Variants in BCAS1 observed in about 807,000 individuals in gnomAD.
BCAS1 encodes the protein breast carcinoma-amplified sequence 1.
Under a neutral mutation model 65.4 loss-of-function variants are expected in BCAS1, and 46 were observed. The ratio of observed to expected loss-of-function variants is 0.70; its 90% CI spans 0.55 to 0.90. The LOEUF is 0.90. Ranked by LOEUF, BCAS1 falls within the 40% of genes least tolerant of loss-of-function variation. The pLI is 0.00. For missense variants in BCAS1, 793 were observed against 771.2 expected (o/e 1.03, Z -0.33); for synonymous variants, 298 against 293.5 (o/e 1.02, Z -0.16).
intron 4 of BCAS1, among the ~76,000 whole-genome samples, chr20:53,999,906 T>A (rs1600829148): frequency 6.6e-6 from 1 of 152,186 alleles, no homozygotes; most frequent in African/African-American, 2.4e-5. Flanking sequence ...ATTTTTGTAT[T>A]TTCAGTAGAG....
chr20:53,950,387 G>A (rs940841168), intron 12 of BCAS1, among the ~76,000 whole-genome samples: 4 of 151,994 alleles, frequency 2.6e-5, no homozygotes, highest in Non-Finnish European at 5.9e-5. Flanking sequence ...CATCTCAGAT[G>A]TATCTCCTCA....
At chr20:53,966,550 T>G (rs2090032872) in intron 10 of BCAS1, among the ~76,000 whole-genome samples, 1 of 152,130 alleles carries the variant, frequency 6.6e-6, no homozygotes, top group Non-Finnish European at 1.5e-5. Context: ...GGGTGACAGG[T>G]GCACTAAAGT....
At chr20:53,948,386 A>AAATTAGGT (rs2089402151) in intron 12 of BCAS1, among the ~76,000 whole-genome samples, 4 of 152,228 alleles carry the variant, frequency 2.6e-5, no homozygotes, top group African/African-American at 9.6e-5. Flanking sequence ...TGGCATTTAA[A>AAATTAGGT]AATTAGGTAT....
chr20:54,063,584 C>T (rs6127079), intron 1 of BCAS1, among the ~76,000 whole-genome samples: 24,364 of 152,124 alleles, frequency 0.16, 2,202 homozygotes, highest in East Asian at 0.32. Flanking sequence ...TGATCAGACA[C>T]CTATAGAAAA....
At chr20:54,016,275 G>T (rs556417148) in intron 4 of BCAS1, among the ~76,000 whole-genome samples, 1 of 152,050 alleles carries the variant, frequency 6.6e-6, no homozygotes, top group East Asian at 1.9e-4. Context: ...ATTTTTTAAA[G>T]CCCCATGCAT....
chr20:53,956,754 T>C (rs2089712662), intron 11 of BCAS1, among the ~76,000 whole-genome samples: 1 of 152,130 alleles, frequency 6.6e-6, no homozygotes, highest in South Asian at 2.1e-4. Context: ...TTGTCAAAAC[T>C]ACTAGAAGAA....
At position 54,039,138 on chromosome 20, in the gene BCAS1, G is replaced by A. The variant is rs372633164; in HGVS notation, c.143-10166C>T. 1.5e-4 allele frequency among the ~76,000 whole-genome samples: 22 copies of A among 151,572 alleles called. 1 individual carries two copies. The highest frequency in any genetic ancestry group is 9.6e-4 in the East Asian group (5 of 5,184). ...GTCAAATGACACTTCAAACAACTGC[G>A]GCTTTCTATGTTGTGCAAATGCATT... is the stretch of plus-strand genomic sequence containing the variant. On this transcript the variant is annotated intron_variant, in intron 3 of 12. Coordinates refer to ENST00000688948, the MANE Select transcript of BCAS1 (RefSeq NM_001366298.2).
At chr20:53,979,223 G>A (rs2090415620) in intron 8 of BCAS1, among the ~76,000 whole-genome samples, 1 of 152,262 alleles carries the variant, frequency 6.6e-6, no homozygotes, top group South Asian at 2.1e-4. Flanking sequence ...TTGAAGTAGA[G>A]CAAAAATAAA....
intron 4 of BCAS1, among the ~76,000 whole-genome samples, chr20:54,002,620 A>C (rs776981485): frequency 2.0e-5 from 3 of 152,062 alleles, no homozygotes; most frequent in Non-Finnish European, 4.4e-5. Context: ...GAAATTAATA[A>C]GTGTATTTGA....
chr20:53,954,321 G>C (rs1157344190), intron 11 of BCAS1, among the ~76,000 whole-genome samples: 2 of 151,804 alleles, frequency 1.3e-5, no homozygotes, highest in Non-Finnish European at 2.9e-5. Context: ...GAGAGAGAGA[G>C]AGAGAGAGAG....
intron 3 of BCAS1, among the ~76,000 whole-genome samples, chr20:54,038,995 T>G (rs1419952848): frequency 6.6e-6 from 1 of 151,374 alleles, no homozygotes; most frequent in Non-Finnish European, 1.5e-5. Context: ...AGTAAGTTCT[T>G]CAAAAGAGTT....
At position 54,031,356 on chromosome 20, in the gene BCAS1, G is replaced by A. The variant is rs377541735; in HGVS notation, c.143-2384C>T. 2.0e-5 allele frequency among the ~76,000 whole-genome samples: 3 copies of A among 151,410 alleles called. No individual in the cohort carries two copies. The South Asian group carries it at 6.3e-4, about 32-fold the overall frequency. On this transcript the variant is annotated intron_variant, in intron 3 of 12. Transcript: ENST00000688948. ...ACAGTAGCTTTTGATATCAGAGAAT[G>A]GGTAAAGTGTTTTTGACAATTTCTA...
intron 1 of BCAS1, among the ~76,000 whole-genome samples, chr20:54,063,455 C>G (rs1250638519): frequency 2.0e-5 from 3 of 152,232 alleles, no homozygotes; most frequent in East Asian, 3.9e-4. Flanking sequence ...CACAGGTGCC[C>G]GGTAGTGAGA....
intron 4 of BCAS1, among the ~76,000 whole-genome samples, chr20:54,005,478 A>G (rs1043099377): frequency 6.6e-6 from 1 of 152,056 alleles, no homozygotes; most frequent in Non-Finnish European, 1.5e-5. Flanking sequence ...ACAGAGCAAG[A>G]CCCTGTCTCA....
Position 54,037,090 on chromosome 20 carries a change from G to C in BCAS1, c.143-8118C>G, listed in dbSNP as rs960451916. Among the ~76,000 whole-genome samples the C allele has an allele frequency of 1.7e-4, 25 of 150,596 alleles. 1 individual carries two copies. The highest frequency in any genetic ancestry group is 5.8e-4 in the African/African-American group (24 of 41,194). On this transcript the variant is annotated intron_variant, in intron 3 of 12. Coordinates refer to ENST00000688948, the MANE Select transcript of BCAS1 (RefSeq NM_001366298.2). ...TGTGCCAAAGCTAAAACTTTCACTT[G>C]CTACAGCTGTGTATTAGTCTATTTC... is the stretch of plus-strand genomic sequence containing the variant.
At chr20:53,959,128 GT>G (rs1458598361) in intron 10 of BCAS1, among the ~76,000 whole-genome samples, 1 of 152,042 alleles carries the variant, frequency 6.6e-6, no homozygotes, top group Non-Finnish European at 1.5e-5. Context: ...GTCCCATTCT[GT>G]CACTCAGGCT....
At chr20:54,055,238 T>C (rs1008870802) in intron 3 of BCAS1, among the ~76,000 whole-genome samples, 1 of 152,192 alleles carries the variant, frequency 6.6e-6, no homozygotes, top group African/African-American at 2.4e-5. Flanking sequence ...GTATGGAAGT[T>C]CCTAAGAAAG....
At chr20:53,991,579 C>G (rs56915194) in intron 7 of BCAS1, among the ~76,000 whole-genome samples, 2,789 of 152,294 alleles carry the variant, frequency 0.018, 76 homozygotes, top group African/African-American at 0.064. Flanking sequence ...CAGACAAACA[C>G]TGGCGTCTTC....
Position 54,028,418 on chromosome 20 carries a change from G to T in BCAS1, c.697C>A (p.Gln233Lys). Residue 233 changes from glutamine (Q) to lysine (K), a missense_variant, in exon 4 of 13, where the codon CAG becomes AAG. Coordinates refer to ENST00000688948, the MANE Select transcript of BCAS1 (RefSeq NM_001366298.2). ...TTCCCTGCAGGGACATCATCGGACT[G>T]CCCTGATAAGCCAGGAACCTCATCC... Reference protein sequence around the residue: ...KVDEVPGLSGQSDDVPAGKDI... With the variant: ...KVDEVPGLSGKSDDVPAGKDI... The T allele has an allele frequency of 6.2e-7, 1 of 1,614,202 alleles. No homozygotes were observed. Among genetic ancestry groups the T allele is most frequent in the Non-Finnish European group, 8.5e-7 (1 of 1,180,024 alleles).
Sources: allele counts gnomAD v4.1 joint callset (sites outside exome capture counted in the v4.1 genomes callset), GRCh38; gene constraint gnomAD v4.1.1; transcripts MANE v1.5; gene names NCBI Gene and HGNC (gene_info 2026-07-23, HGNC 2026-07-21).